Variants in NCAPH observed in about 807,000 individuals in gnomAD.
The protein encoded by NCAPH is condensin complex subunit 2.
NCAPH carries 38 observed loss-of-function variants against 85.5 expected under a neutral mutation model. The observed-to-expected ratio is 0.44, with a 90% CI of 0.34 to 0.58. The LOEUF is 0.58. Ranked by LOEUF, NCAPH falls within the 20% of genes least tolerant of loss-of-function variation. The pLI is 0.01. For missense variants in NCAPH, 789 were observed against 916.6 expected (o/e 0.86, Z 1.80); for synonymous variants, 301 against 335.1 (o/e 0.90, Z 1.11).
At chr2:96,347,242 G>T (rs756039930) in intron 6 of NCAPH, among the ~76,000 whole-genome samples, 3 of 151,162 alleles carry the variant, frequency 2.0e-5, no homozygotes, top group Non-Finnish European at 4.4e-5. Flanking sequence ...CCTCAGGCTG[G>T]CACCATGTCT....
rs1462667397 is a variant in NCAPH, at chr2:96,352,011, G to A, written c.901G>A (p.Asp301Asn). 6.2e-7 allele frequency: 1 copy of A among 1,609,248 alleles called. No homozygotes were observed. Among genetic ancestry groups the A allele is most frequent in the Non-Finnish European group, 8.5e-7 (1 of 1,178,334 alleles). The change falls in exon 7 of 18, where the codon GAT becomes AAT. Residue 301 changes from aspartate (D) to asparagine (N), a missense_variant. Transcript: ENST00000240423. ...AGAGTTAGGTTGTGTAGAAATGACA[G>A]ATTTAAAAGGTAAGTACAAGTGATG... ...LPELGCVEMT[D>N]LKAPLQQCAE...
chr2:96,362,088 TG>T (rs979185346), intron 12 of NCAPH, among the ~76,000 whole-genome samples: 29 of 151,956 alleles, frequency 1.9e-4, no homozygotes, highest in African/African-American at 6.5e-4. Context: ...TTTTTCTTTC[TG>T]ATCAATATTG....
chr2:96,338,940 AG>A (rs1464216649), intron 1 of NCAPH, among the ~76,000 whole-genome samples: 1 of 152,000 alleles, frequency 6.6e-6, no homozygotes, highest in Non-Finnish European at 1.5e-5. Flanking sequence ...CCTCCCAAGT[AG>A]CTGGGACTAC....
At position 96,341,793 on chromosome 2, in the gene NCAPH, G is replaced by T. The variant is rs146554411; in HGVS notation, c.171G>T (p.Gln57His). 1 of 1,614,016 alleles carries T rather than the reference G, an allele frequency of 6.2e-7. No homozygotes were observed. Among genetic ancestry groups the T allele is most frequent in the African/African-American group, 1.3e-5 (1 of 74,922 alleles). The change falls in exon 2 of 18, where the codon CAG becomes CAT. Residue 57 changes from glutamine (Q) to histidine (H), a missense_variant. Physicochemically the swap from Gln to His is conservative, Grantham distance 24 (BLOSUM62 0). Transcript: ENST00000240423. ...CCCCAGTCCTCGAAGACTTTCCTCA[G>T]AATGACGATGAGAAGGAGCGGCTGC... ...PGTPVLEDFP[Q>H]NDDEKERLQR...
chr2:96,361,828 A>ATATTT (rs1457258768), intron 12 of NCAPH, among the ~76,000 whole-genome samples: 5 of 108,014 alleles, frequency 4.6e-5, no homozygotes, highest in African/African-American at 2.1e-4. Flanking sequence ...ATATATATAT[A>ATATTT]TTTTTTTTTT....
intron 6 of NCAPH, among the ~76,000 whole-genome samples, chr2:96,346,448 A>G (rs1171646300): frequency 1.3e-5 from 2 of 152,150 alleles, no homozygotes; most frequent in Non-Finnish European, 2.9e-5. Context: ...TGTGGGTACA[A>G]TCATGGAGTA....
At chr2:96,336,793 T>C (rs1301652414) in intron 1 of NCAPH, among the ~76,000 whole-genome samples, 2 of 152,132 alleles carry the variant, frequency 1.3e-5, no homozygotes, top group East Asian at 1.9e-4. Context: ...CATAAAACCA[T>C]GGGAACAGGT....
At chr2:96,341,025 G>A (rs2064287820) in intron 1 of NCAPH, among the ~76,000 whole-genome samples, 2 of 152,222 alleles carry the variant, frequency 1.3e-5, no homozygotes, top group African/African-American at 4.8e-5. Context: ...GTCACATGAA[G>A]AGATGAGTAA....
Position 96,375,840 on chromosome 2 carries a change from G to A in NCAPH, c.*2489G>A, listed in dbSNP as rs949312347. Among the ~76,000 whole-genome samples, 18 of 152,108 alleles carry A rather than the reference G, an allele frequency of 1.2e-4. No homozygotes were observed. The highest frequency in any genetic ancestry group is 2.6e-4 in the Admixed American group (4 of 15,270). ...ACATCCATAGTCTAAGCAGCAGGAC[G>A]AAGGACTGGGGGAAAAGAGAACTGC... On this transcript the variant is annotated 3_prime_UTR_variant, in exon 18 of 18. Transcript: ENST00000240423.
At chr2:96,343,019 T>C in intron 4 of NCAPH, 147 bp from the exon 5 acceptor site, 1 of 1,188,970 alleles carries the variant, frequency 8.4e-7, no homozygotes, top group Non-Finnish European at 1.2e-6. Flanking sequence ...AGAATATATA[T>C]TCTGTTTATT....
chr2:96,340,353 C>T (rs1329657704), intron 1 of NCAPH, among the ~76,000 whole-genome samples: 1 of 151,336 alleles, frequency 6.6e-6, no homozygotes, highest in Non-Finnish European at 1.5e-5. Context: ...ACCTATCTAA[C>T]CCAGTAGGAT....
At chr2:96,340,450 G>A (rs1354487695) in intron 1 of NCAPH, among the ~76,000 whole-genome samples, 1 of 146,378 alleles carries the variant, frequency 6.8e-6, no homozygotes, top group Non-Finnish European at 1.5e-5. Context: ...GAGTGCAATG[G>A]CACAGTCTTG....
chr2:96,360,627 A>C lies in NCAPH; in HGVS notation c.1504A>C (p.Asn502His), dbSNP rs747328799. ...GACCAAGTCCACTTTGGAGAACCAG[A>C]ATTGGAGAGCTACCACCCTTCCTAC... is the stretch of plus-strand genomic sequence containing the variant. ...ILTKSTLENQ[N>H]WRATTLPTDF... The change falls in exon 12 of 18, where the codon AAT becomes CAT. Residue 502 changes from asparagine (N) to histidine (H), a missense_variant. Coordinates refer to ENST00000240423, the MANE Select transcript of NCAPH (RefSeq NM_015341.5). The C allele has an allele frequency of 1.2e-6, 2 of 1,614,136 alleles. No individual in the cohort carries two copies. Among genetic ancestry groups the C allele is most frequent in the South Asian group, 2.2e-5 (2 of 91,080 alleles).
chr2:96,375,466 C>T lies in NCAPH; in HGVS notation c.*2115C>T, dbSNP rs1013438091. ...TAAAAGAGGCCTGAGGAAGCTTGTT[C>T]GTTCCTCTTGCCCTTCTGCCATGTA... On this transcript the variant is annotated 3_prime_UTR_variant, in exon 18 of 18. Transcript: ENST00000240423. Among the ~76,000 whole-genome samples the T allele has an allele frequency of 3.9e-5, 6 of 152,148 alleles. No individual in the cohort carries two copies. Among genetic ancestry groups the T allele is most frequent in the East Asian group, 1.9e-4 (1 of 5,194 alleles).
In NCAPH at chr2:96,351,792, A is replaced by G. The variant is rs762565691; in HGVS notation, c.721-39A>G. The G allele has an allele frequency of 6.5e-6, 10 of 1,526,772 alleles. No individual in the cohort carries two copies. The South Asian group carries it at 8.9e-5, about 14-fold the overall frequency. 94.6% of individuals were successfully genotyped at this position (1,526,772 alleles called of 1,614,324 possible). ...GAGAATTTATCTTTCCCTTGGCTAC[A>G]TGCCGTAAATCTTCAGTTTCTTCTC... On this transcript the variant is annotated intron_variant, in intron 6 of 17. Coordinates refer to ENST00000240423, the MANE Select transcript of NCAPH (RefSeq NM_015341.5).
Position 96,351,840 on chromosome 2 carries a change from A to G in NCAPH, c.730A>G (p.Met244Val). 5.0e-6 allele frequency: 8 copies of G among 1,599,354 alleles called. No individual in the cohort carries two copies. Among genetic ancestry groups the G allele is most frequent in the South Asian group, 2.3e-5 (2 of 88,028 alleles). ...EADRKCEIDP[M>V]FQKTAASFDE... ...CTCTCTCTGTGTTCAGATTGATCCC[A>G]TGTTTCAGAAGACAGCAGCCTCATT... The change falls in exon 7 of 18, where the codon ATG becomes GTG. Residue 244 changes from methionine to valine, a missense_variant. Met to Val is a conservative substitution (Grantham distance 21, BLOSUM62 1). Transcript: ENST00000240423.
chr2:96,372,324 C>T (rs561498328), intron 17 of NCAPH, among the ~76,000 whole-genome samples: 2 of 150,662 alleles, frequency 1.3e-5, no homozygotes, highest in South Asian at 2.1e-4. Flanking sequence ...GGAGGAGGTG[C>T]GCGTGGATGG....
chr2:96,365,934 CT>C lies in NCAPH; in HGVS notation c.1758del (p.Asp587ThrfsTer25). 1 of 1,614,226 alleles carries C rather than the reference CT, an allele frequency of 6.2e-7. No homozygotes were observed. Among genetic ancestry groups the C allele is most frequent in the Non-Finnish European group, 8.5e-7 (1 of 1,180,044 alleles). On this transcript the variant is annotated frameshift_variant, in exon 14 of 18. Transcript: ENST00000240423. LOFTEE classifies it high-confidence loss of function. Reference sequence around the variant, plus strand: ...TTATTTGTGGGACCTGTTGGGAACTCTGACCTCTCACCTTATCCTTGCCATC... The same window carrying C: ...TTATTTGTGGGACCTGTTGGGAACTCGACCTCTCACCTTATCCTTGCCATC... ...DDLFVGPVGN[S>X]DLSPYPCHPP...
At chr2:96,359,376 T>G in intron 10 of NCAPH, 183 bp downstream of exon 10, 1 of 656,776 alleles carries the variant, frequency 1.5e-6, no homozygotes, top group Non-Finnish European at 2.5e-6. Context: ...GAAGGGACAG[T>G]GAAAATGGAA....
Sources: gnomAD v4.1 joint callset for allele counts (sites outside exome capture counted in the v4.1 genomes callset) on GRCh38, gnomAD v4.1.1 for gene constraint, MANE v1.5 for transcripts, NCBI Gene and HGNC (gene_info 2026-07-23, HGNC 2026-07-21) for gene names.